EXOC4: variants seen among roughly 807,000 people sequenced by gnomAD.
EXOC4 encodes exocyst complex component 4.
In EXOC4, 71 loss-of-function variants were observed where a neutral mutation model predicts 107.2. The ratio of observed to expected loss-of-function variants is 0.66; its 90% confidence interval spans 0.55 to 0.81. EXOC4 has a LOEUF of 0.81. Ranked by LOEUF, EXOC4 falls within the 30% of genes least tolerant of loss-of-function variation. The probability of loss-of-function intolerance (pLI) is 0.00; values close to 1 mark genes in which losing one functional copy is unlikely to be tolerated. For missense variants in EXOC4, 1,108 were observed against 1,189.6 expected (o/e 0.93, Z 1.01); for synonymous variants, 456 against 441.2 (o/e 1.03, Z -0.42).
chr7:133,277,254 T>C (rs1794018224), intron 2 of EXOC4, among the ~76,000 whole-genome samples: 1 of 152,256 alleles, frequency 6.6e-6, no homozygotes, highest in African/African-American at 2.4e-5. Flanking sequence ...AAGTAAACTG[T>C]AGTCCATTTT....
At chr7:133,293,578 A>G (rs1298401186) in intron 3 of EXOC4, among the ~76,000 whole-genome samples, 1 of 152,254 alleles carries the variant, frequency 6.6e-6, no homozygotes, top group East Asian at 1.9e-4. Context: ...AAATAACTCC[A>G]TGGTGACCCA....
intron 9 of EXOC4, among the ~76,000 whole-genome samples, chr7:133,543,878 T>G (rs2150934314): frequency 6.6e-6 from 1 of 152,304 alleles, no homozygotes; most frequent in African/African-American, 2.4e-5. Context: ...AAACTAATCT[T>G]ATCTGCTGGC....
At chr7:133,458,923 C>T (rs1399096128) in intron 7 of EXOC4, among the ~76,000 whole-genome samples, 2 of 131,444 alleles carry the variant, frequency 1.5e-5, no homozygotes, top group Middle Eastern at 8.7e-3. Context: ...TTTCAGAAAC[C>T]TGTACTTAAC....
intron 15 of EXOC4, among the ~76,000 whole-genome samples, chr7:134,004,040 G>A (rs545796281): frequency 3.0e-4 from 46 of 152,146 alleles, no homozygotes; most frequent in African/African-American, 8.2e-4. Flanking sequence ...CTGATACCCC[G>A]TGGCACATTT....
At chr7:133,890,180 T>C (rs1212535554) in intron 11 of EXOC4, among the ~76,000 whole-genome samples, 1 of 66,334 alleles carries the variant, frequency 1.5e-5, no homozygotes, top group Non-Finnish European at 2.5e-5. Flanking sequence ...CCAGTGATGA[T>C]GAGCATTTTT....
intron 11 of EXOC4, among the ~76,000 whole-genome samples, chr7:133,870,586 A>G (rs1462933264): frequency 6.6e-6 from 1 of 152,164 alleles, no homozygotes; most frequent in Non-Finnish European, 1.5e-5. Flanking sequence ...GGGTCATTTT[A>G]TGAAATGTCT....
intron 10 of EXOC4, among the ~76,000 whole-genome samples, chr7:133,785,838 A>C (rs1796557933): frequency 6.6e-6 from 1 of 152,114 alleles, no homozygotes; most frequent in South Asian, 2.1e-4. Flanking sequence ...ATGCCCGGCT[A>C]ATTTTTTGTA....
intron 10 of EXOC4, among the ~76,000 whole-genome samples, chr7:133,721,950 G>A (rs1300833639): frequency 1.3e-5 from 2 of 152,156 alleles, no homozygotes; most frequent in African/African-American, 2.4e-5. Flanking sequence ...TGAAATGATG[G>A]CAGGCTAACT....
intron 17 of EXOC4, among the ~76,000 whole-genome samples, chr7:134,060,318 T>C (rs1003682050): frequency 6.6e-6 from 1 of 152,198 alleles, no homozygotes; most frequent in Admixed American, 6.5e-5. Context: ...GACTTGAAAC[T>C]CTTTGGTCTC....
intron 7 of EXOC4, among the ~76,000 whole-genome samples, chr7:133,382,421 G>T (rs533799831): frequency 5.3e-5 from 8 of 152,158 alleles, no homozygotes; most frequent in Non-Finnish European, 8.8e-5. Context: ...ATGAACACCA[G>T]AGACCCCTGG....
intron 10 of EXOC4, among the ~76,000 whole-genome samples, chr7:133,781,652 C>G (rs767923121): frequency 6.6e-6 from 1 of 152,196 alleles, no homozygotes; most frequent in Admixed American, 6.5e-5. Flanking sequence ...ACTTAAAGCT[C>G]GTGGGAGAGA....
intron 11 of EXOC4, among the ~76,000 whole-genome samples, chr7:133,829,712 C>T (rs1284445327): frequency 6.6e-6 from 1 of 152,200 alleles, no homozygotes; most frequent in East Asian, 1.9e-4. Flanking sequence ...TCTGTGTCCA[C>T]AGGAGCAGCC....
chr7:133,309,162 G>C (rs1262326534), intron 4 of EXOC4, among the ~76,000 whole-genome samples: 1 of 152,126 alleles, frequency 6.6e-6, no homozygotes, highest in African/African-American at 2.4e-5. Flanking sequence ...TTCTTTTCTA[G>C]CCCTGGGTGG....
At chr7:133,575,492 A>G (rs775177917) in intron 9 of EXOC4, among the ~76,000 whole-genome samples, 9 of 152,224 alleles carry the variant, frequency 5.9e-5, no homozygotes, top group Non-Finnish European at 1.2e-4. Flanking sequence ...AACATTTAAT[A>G]TATTTATTGA....
intron 10 of EXOC4, among the ~76,000 whole-genome samples, chr7:133,684,922 A>C (rs1199700047): frequency 6.6e-6 from 1 of 152,138 alleles, no homozygotes; most frequent in Non-Finnish European, 1.5e-5. Context: ...TAATTTTTGA[A>C]GGGTTACCTC....
intron 10 of EXOC4, among the ~76,000 whole-genome samples, chr7:133,637,606 C>G (rs1459005834): frequency 2.6e-5 from 4 of 152,162 alleles, no homozygotes; most frequent in African/African-American, 9.7e-5. Context: ...TTATGAAACA[C>G]AGCCATTTTT....
chr7:134,074,713 G>A, the EXOC4 span, among the ~76,000 whole-genome samples: 5 of 152,212 alleles, frequency 3.3e-5, no homozygotes, highest in Non-Finnish European at 7.3e-5. Context: ...AGACTGCCAA[G>A]TGGAGGGATA....
chr7:133,513,204 T>C (rs1799808229), intron 9 of EXOC4, among the ~76,000 whole-genome samples: 1 of 152,150 alleles, frequency 6.6e-6, no homozygotes, highest in Non-Finnish European at 1.5e-5. Flanking sequence ...TTACTTATTT[T>C]TGAGACTTAA....
chr7:133,748,655 G>C (rs1250664039), intron 10 of EXOC4, among the ~76,000 whole-genome samples: 1 of 152,160 alleles, frequency 6.6e-6, no homozygotes, highest in Non-Finnish European at 1.5e-5. Flanking sequence ...CCATGTACAG[G>C]CTTCCTGTGC....
Sources: gnomAD v4.1 joint callset for allele counts (sites outside exome capture counted in the v4.1 genomes callset) on GRCh38, gnomAD v4.1.1 for gene constraint, MANE v1.5 for transcripts, NCBI Gene and HGNC (gene_info 2026-07-23, HGNC 2026-07-21) for gene names.